Variants in PAPPA2 observed in about 807,000 individuals in gnomAD.
PAPPA2 encodes the protein pappalysin-2.
In PAPPA2, 86 loss-of-function variants were observed where a neutral mutation model predicts 176.4. The observed-to-expected ratio is 0.49, with a 90% CI of 0.41 to 0.58. PAPPA2 has a LOEUF of 0.58. Among genes scored for constraint, PAPPA2 ranks in the 20% least tolerant of loss-of-function variants. PAPPA2 has a pLI of 0.00. For synonymous variants in PAPPA2, 809 were observed against 852.2 expected (o/e 0.95, Z 0.88); for missense variants, 2,073 against 2,256.9 (o/e 0.92, Z 1.65).
intron 1 of PAPPA2, among the ~76,000 whole-genome samples, chr1:176,501,708 TGCTTCCTTG>T (rs1647972985): frequency 6.6e-6 from 1 of 152,126 alleles, no homozygotes; most frequent in South Asian, 2.1e-4. Context: ...GAAGAGTGAT[TGCTTCCTTG>T]ACTTTGTGGC....
At chr1:176,624,736 C>T (rs1207135244) in intron 3 of PAPPA2, among the ~76,000 whole-genome samples, 1 of 152,126 alleles carries the variant, frequency 6.6e-6, no homozygotes, top group Non-Finnish European at 1.5e-5. Flanking sequence ...CCAGTCCTAC[C>T]TCTGTGCTTT....
At chr1:176,804,606 A>T (rs187204821) in intron 21 of PAPPA2, among the ~76,000 whole-genome samples, 1 of 152,170 alleles carries the variant, frequency 6.6e-6, no homozygotes, top group Admixed American at 6.5e-5. Flanking sequence ...TCAACCACAG[A>T]TGGGTTATAT....
chr1:176,840,406 A>G, intron 22 of PAPPA2, 135 bp downstream of exon 22: 1 of 686,970 alleles, frequency 1.5e-6, no homozygotes, highest in Non-Finnish European at 2.5e-6. Context: ...ATGAACAAAC[A>G]TTGGAGCTTC....
At chr1:176,818,037 C>T (rs953220780) in intron 21 of PAPPA2, among the ~76,000 whole-genome samples, 5 of 151,598 alleles carry the variant, frequency 3.3e-5, no homozygotes, top group South Asian at 2.1e-4. Context: ...ACTAGAGAGG[C>T]GGAAGGAAGA....
At chr1:176,775,520 A>G (rs371467209) in intron 17 of PAPPA2, among the ~76,000 whole-genome samples, 2 of 152,186 alleles carry the variant, frequency 1.3e-5, no homozygotes, top group East Asian at 3.8e-4. Context: ...TTTATGCCTG[A>G]TTAGTACCAC....
rs138210451 is a variant in PAPPA2 at position 176,623,766 on chromosome 1, T to C, written c.1991+28171T>C. Among the ~76,000 whole-genome samples, 203 of 86,610 alleles carry C rather than the reference T, an allele frequency of 2.3e-3. 2 individuals are homozygous for C. The highest frequency in any genetic ancestry group is 0.013 in the Middle Eastern group (2 of 150). 56.8% of individuals were successfully genotyped at this position (86,610 alleles called of 152,430 possible). ...TCTCTCTTTCCTTCCTTCCTTTCTTTCTTTCTTTCTTTCTTTCTTTCTTTC... is the reference window on the plus strand; with the variant it reads ...TCTCTCTTTCCTTCCTTCCTTTCTTCCTTTCTTTCTTTCTTTCTTTCTTTC... On this transcript the variant is annotated intron_variant, in intron 3 of 22. Transcript: ENST00000367662.
At chr1:176,586,499 G>T (rs1163902069) in intron 2 of PAPPA2, among the ~76,000 whole-genome samples, 1 of 152,062 alleles carries the variant, frequency 6.6e-6, no homozygotes, top group Non-Finnish European at 1.5e-5. Context: ...GTGTCCATGT[G>T]TTCTCAATGG....
intron 3 of PAPPA2, among the ~76,000 whole-genome samples, chr1:176,623,627 T>TCCTTCCTTCC (rs1558479107): frequency 1.2e-5 from 1 of 81,904 alleles, no homozygotes; most frequent in African/African-American, 5.8e-5. Context: ...TCCTTCCTTT[T>TCCTTCCTTCC]TTACTTTCTT....
chr1:176,646,757 C>T (rs1312490124), intron 3 of PAPPA2, among the ~76,000 whole-genome samples: 1 of 151,502 alleles, frequency 6.6e-6, no homozygotes, highest in African/African-American at 2.4e-5. Flanking sequence ...CTTTTTATGG[C>T]TGAATAGTAC....
chr1:176,476,965 G>C (rs975223695), intron 1 of PAPPA2, among the ~76,000 whole-genome samples: 1 of 152,100 alleles, frequency 6.6e-6, no homozygotes, highest in Non-Finnish European at 1.5e-5. Context: ...CCGGGACCTC[G>C]AAAATCCTCT....
rs78116144 is a variant in PAPPA2 at position 176,653,830 on chromosome 1, G to A, written c.1992-17140G>A. On this transcript the variant is annotated intron_variant, in intron 3 of 22. Transcript: ENST00000367662. ...CTTCTGCTTCTTTCTACTTCTGATGGATAATTTTCTGTTCTTTTCTTACTT... is the reference window on the plus strand; with the variant it reads ...CTTCTGCTTCTTTCTACTTCTGATGAATAATTTTCTGTTCTTTTCTTACTT... Among the ~76,000 whole-genome samples the A allele has an allele frequency of 1.8e-4, 27 of 151,704 alleles. 1 individual carries two copies. In the East Asian group the frequency reaches 5.3e-3, roughly 30 times the overall value.
intron 4 of PAPPA2, 112 bp downstream of exon 4, chr1:176,671,227 A>C: frequency 7.2e-7 from 1 of 1,383,170 alleles, no homozygotes; most frequent in Non-Finnish European, 9.8e-7. Flanking sequence ...GAATTTACAC[A>C]GTGAATTAAC....
intron 3 of PAPPA2, among the ~76,000 whole-genome samples, chr1:176,623,711 C>CTTCTCTCT (rs1655805946): frequency 8.1e-6 from 1 of 123,562 alleles, no homozygotes; most frequent in Non-Finnish European, 1.7e-5. Context: ...TCTTTCTTTT[C>CTTCTCTCT]TTCTTTCTTT....
intron 14 of PAPPA2, among the ~76,000 whole-genome samples, chr1:176,756,029 G>T (rs1040598474): frequency 1.3e-5 from 2 of 152,044 alleles, no homozygotes; most frequent in Admixed American, 6.5e-5. Flanking sequence ...CACAATCTCG[G>T]CTCACTGCAA....
chr1:176,740,390 T>C (rs778346217), intron 14 of PAPPA2, among the ~76,000 whole-genome samples, 194 bp downstream of exon 14: 8 of 152,238 alleles, frequency 5.3e-5, no homozygotes, highest in Non-Finnish European at 1.0e-4. Context: ...TATTTTGTTC[T>C]TCTTTCCTTA....
chr1:176,746,508 A>T (rs370447212), intron 14 of PAPPA2, among the ~76,000 whole-genome samples: 1 of 151,958 alleles, frequency 6.6e-6, no homozygotes, highest in African/African-American at 2.4e-5. Flanking sequence ...CCGGGTTCAC[A>T]CCATTCTCCT....
intron 2 of PAPPA2, among the ~76,000 whole-genome samples, chr1:176,561,522 C>G (rs68096351): frequency 0.017 from 2,620 of 152,248 alleles, 45 homozygotes; most frequent in South Asian, 0.056. Flanking sequence ...TGATGGTAAA[C>G]AGACTTTTTT....
chr1:176,562,665 G>T (rs933239635), intron 2 of PAPPA2, among the ~76,000 whole-genome samples: 1 of 152,334 alleles, frequency 6.6e-6, no homozygotes, highest in Admixed American at 6.5e-5. Context: ...ACGACCCATG[G>T]ATGTGAGGGC....
At chr1:176,467,499 G>A (rs1188704358) in intron 1 of PAPPA2, among the ~76,000 whole-genome samples, 5 of 152,184 alleles carry the variant, frequency 3.3e-5, no homozygotes, top group South Asian at 2.1e-4. Context: ...TTCACATTAG[G>A]AAGACTCTAT....
Sources: gnomAD v4.1 joint callset for allele counts (sites outside exome capture counted in the v4.1 genomes callset) on GRCh38, gnomAD v4.1.1 for gene constraint, MANE v1.5 for transcripts, NCBI Gene and HGNC (gene_info 2026-07-23, HGNC 2026-07-21) for gene names.